The following GRIP1 variants were observed in gnomAD, a reference collection of about 807,000 sequenced individuals.
The protein encoded by GRIP1 is glutamate receptor interacting protein 1.
A neutral mutation model predicts 129.9 loss-of-function variants in GRIP1; 45 were observed. The observed-to-expected ratio is 0.35, with a 90% confidence interval of 0.27 to 0.44. GRIP1 has a LOEUF of 0.44. Among genes scored for constraint, GRIP1 ranks in the 20% least tolerant of loss-of-function variants. The pLI is 1.00. For missense variants in GRIP1, 1,196 were observed against 1,396.8 expected, an observed-to-expected ratio of 0.86 and a Z score of 2.29; for synonymous variants, 530 against 520.8, an observed-to-expected ratio of 1.02 and a Z score of -0.24.
chr12:66,578,751 C>T (rs945288258), intron 2 of GRIP1, among the ~76,000 whole-genome samples: 16 of 152,160 alleles, frequency 1.1e-4, no homozygotes, highest in East Asian at 5.8e-4. Flanking sequence ...ACAAAGCAGC[C>T]GGGAAGCTCC....
chr12:66,523,982 T>A (rs1349285823), intron 5 of GRIP1, among the ~76,000 whole-genome samples: 2 of 152,238 alleles, frequency 1.3e-5, no homozygotes, highest in Middle Eastern at 3.4e-3. Flanking sequence ...GAGCTAACTA[T>A]CCTAAATATA....
intron 1 of GRIP1, among the ~76,000 whole-genome samples, chr12:66,830,093 G>A (rs1259511940): frequency 5.3e-5 from 8 of 152,156 alleles, no homozygotes; most frequent in Non-Finnish European, 5.9e-5. Flanking sequence ...TAGCTAGTAT[G>A]TGCTTGGCCC....
chr12:66,651,584 C>T (rs2032797647), intron 1 of GRIP1, among the ~76,000 whole-genome samples: 1 of 152,138 alleles, frequency 6.6e-6, no homozygotes, highest in South Asian at 2.1e-4. Context: ...ATTTTATTCA[C>T]TTTAATACAC....
At chr12:67,061,124 A>G (rs2043526627) in intron 1 of GRIP1, among the ~76,000 whole-genome samples, 1 of 152,218 alleles carries the variant, frequency 6.6e-6, no homozygotes, top group Admixed American at 6.5e-5. Context: ...TGGGAGTCCA[A>G]AGGGGAACCT....
chr12:66,409,087 G>A lies in GRIP1; in HGVS notation c.1839-2659C>T, dbSNP rs113459096. On this transcript the variant is annotated intron_variant, in intron 15 of 24. Transcript: ENST00000359742. ...CATCTTTAGACCTGCAAGGGGCCAGGGGGAGCTCACTGCCCTGAAAAGAAG... is the reference window on the plus strand; with the variant it reads ...CATCTTTAGACCTGCAAGGGGCCAGAGGGAGCTCACTGCCCTGAAAAGAAG... 1.9e-3 allele frequency among the ~76,000 whole-genome samples: 285 copies of A among 152,228 alleles called. 1 individual carries two copies. Among genetic ancestry groups the A allele is most frequent in the Non-Finnish European group, 3.2e-3 (221 of 68,014 alleles).
At chr12:66,671,014 C>G (rs2034054510) in intron 1 of GRIP1, among the ~76,000 whole-genome samples, 1 of 152,070 alleles carries the variant, frequency 6.6e-6, no homozygotes, top group Admixed American at 6.5e-5. Context: ...ACTCAGCTAA[C>G]ACAGTAAAGT....
At chr12:66,746,585 G>A (rs1167618718) in intron 1 of GRIP1, among the ~76,000 whole-genome samples, 1 of 152,140 alleles carries the variant, frequency 6.6e-6, no homozygotes, top group Non-Finnish European at 1.5e-5. Flanking sequence ...TCCACCTTTG[G>A]TACCCTCCTG....
chr12:66,886,340 C>A (rs996210605), intron 1 of GRIP1, among the ~76,000 whole-genome samples: 1 of 152,164 alleles, frequency 6.6e-6, no homozygotes, highest in Middle Eastern at 3.4e-3. Context: ...TCATGAGAAA[C>A]ATAATAAAAT....
chr12:66,472,859 G>A (rs1343645852), intron 7 of GRIP1, among the ~76,000 whole-genome samples: 1 of 152,194 alleles, frequency 6.6e-6, no homozygotes, highest in Non-Finnish European at 1.5e-5. Flanking sequence ...TGGTGCCTAG[G>A]CCACCATGGC....
chr12:66,865,243 C>G (rs1315073999), intron 1 of GRIP1, among the ~76,000 whole-genome samples: 1 of 152,070 alleles, frequency 6.6e-6, no homozygotes, highest in Non-Finnish European at 1.5e-5. Context: ...TTTTTACCAG[C>G]AGAAACAGAG....
rs1483604754 is a variant in GRIP1 at position 66,961,833 on chromosome 12, A to G, written c.58+107217T>C. ...CGCCATTAGTGCCTGGCAGCCAGAA[A>G]ATAATCATTGATTAACAGCTGAATA... is the stretch of plus-strand genomic sequence containing the variant. On this transcript the variant is annotated intron_variant, in intron 1 of 1. Transcript: ENST00000643019. Among the ~76,000 whole-genome samples, 3 of 152,356 alleles carry G rather than the reference A, an allele frequency of 2.0e-5. No individual in the cohort carries two copies. The South Asian group carries it at 6.2e-4, about 32-fold the overall frequency.
chr12:66,832,077 GT>G (rs2039529762), intron 1 of GRIP1, among the ~76,000 whole-genome samples: 1 of 152,136 alleles, frequency 6.6e-6, no homozygotes, highest in African/African-American at 2.4e-5. Context: ...ATTGAGACAA[GT>G]CACTTCTGAG....
chr12:66,866,494 T>C lies in GRIP1; in HGVS notation c.58+202556A>G, dbSNP rs75825188. Among the ~76,000 whole-genome samples the C allele has an allele frequency of 8.0e-3, 1,218 of 152,176 alleles. 30 individuals are homozygous for C. Among genetic ancestry groups the C allele is most frequent in the East Asian group, 0.077 (396 of 5,170 alleles). On this transcript the variant is annotated intron_variant, in intron 1 of 1. Coordinates refer to the GRIP1 transcript ENST00000643019. ...GGTCAACTGTAGAACATGGTGACTA[T>C]AGTTAACAATATATTCTACTCTTAT...
chr12:66,670,783 T>C (rs905465810), intron 1 of GRIP1, among the ~76,000 whole-genome samples: 6 of 152,170 alleles, frequency 3.9e-5, no homozygotes, highest in South Asian at 2.1e-4. Context: ...GCTGAAGTGA[T>C]GACAGTCAGA....
chr12:66,941,136 T>C (rs1343729548), intron 1 of GRIP1, among the ~76,000 whole-genome samples: 1 of 151,774 alleles, frequency 6.6e-6, no homozygotes, highest in Non-Finnish European at 1.5e-5. Context: ...ACACGTTCAA[T>C]GAGACTGTAT....
At chr12:66,435,871 C>T (rs1484325490) in intron 13 of GRIP1, among the ~76,000 whole-genome samples, 3 of 152,180 alleles carry the variant, frequency 2.0e-5, no homozygotes, top group Non-Finnish European at 2.9e-5. Flanking sequence ...TCTCTTTGAT[C>T]AAGCTGTGGC....
chr12:66,898,614 T>A (rs2040792188), intron 1 of GRIP1, among the ~76,000 whole-genome samples: 1 of 152,228 alleles, frequency 6.6e-6, no homozygotes, highest in African/African-American at 2.4e-5. Flanking sequence ...CTATGCCAAG[T>A]AAAGCTAAAA....
chr12:66,385,901 G>A (rs1004911159), intron 19 of GRIP1, among the ~76,000 whole-genome samples: 3 of 152,140 alleles, frequency 2.0e-5, no homozygotes, highest in Admixed American at 2.0e-4. Flanking sequence ...GGGCCTGCAT[G>A]CCTGGCCTCC....
chr12:67,046,792 T>C (rs76072740), intron 1 of GRIP1, among the ~76,000 whole-genome samples: 3,662 of 152,282 alleles, frequency 0.024, 57 homozygotes, highest in Middle Eastern at 0.051. Flanking sequence ...ATCACAGTAG[T>C]GGGATCCTTC....
Sources: gnomAD v4.1 joint callset for allele counts (sites outside exome capture counted in the v4.1 genomes callset) on GRCh38, gnomAD v4.1.1 for gene constraint, MANE v1.5 for transcripts, NCBI Gene and HGNC (gene_info 2026-07-23, HGNC 2026-07-21) for gene names.